The following GABPB1 variants were observed in gnomAD, a reference collection of about 807,000 sequenced individuals.
GABPB1 encodes the protein GA binding protein transcription factor subunit beta 1, also known as GA-binding protein subunit beta-1.
Under a neutral mutation model 45.9 loss-of-function variants are expected in GABPB1, and 15 were observed. The ratio of observed to expected loss-of-function variants is 0.33; its 90% CI spans 0.22 to 0.50. GABPB1 has a LOEUF of 0.50. Among genes scored for constraint, GABPB1 ranks in the 20% least tolerant of loss-of-function variants. The probability of loss-of-function intolerance (pLI) is 0.98; values close to 1 mark genes in which losing one functional copy is unlikely to be tolerated. For synonymous variants in GABPB1, 143 were observed against 154.4 expected, an observed-to-expected ratio of 0.93 and a Z score of 0.55; for missense variants, 252 against 457.5, an observed-to-expected ratio of 0.55 and a Z score of 4.10.
At chr15:50,353,741 G>A (rs556361505) in intron 1 of GABPB1, 4 of 152,172 alleles carry the variant, frequency 2.6e-5, no homozygotes, top group African/African-American at 9.7e-5. Flanking sequence ...CTATCTACAG[G>A]AAAGAATGAC....
In GABPB1 at chr15:50,276,429, ATTATG is replaced by A. The variant is rs2140952852; in HGVS notation, c.*2198_*2202del. Reference sequence around the variant, plus strand: ...TAAATCAGATGTAAATGATTGAGAAATTATGTTATGTAACAATGACTCTGAAAAAG... The same window carrying A: ...TAAATCAGATGTAAATGATTGAGAAATTATGTAACAATGACTCTGAAAAAG... On this transcript the variant is annotated 3_prime_UTR_variant, in exon 9 of 9. Coordinates refer to ENST00000380877, the MANE Select transcript of GABPB1 (RefSeq NM_016654.5). 1 of 152,370 alleles carries A rather than the reference ATTATG, an allele frequency of 6.6e-6. No homozygotes were observed. Among genetic ancestry groups the A allele is most frequent in the East Asian group, 1.9e-4 (1 of 5,190 alleles). 9.4% of individuals were successfully genotyped at this position (152,370 alleles called of 1,614,324 possible). A position where few individuals can be genotyped will look rare whatever the true frequency, so the allele number is the denominator to read the frequency against.
chr15:50,317,510 T>C (rs551091463), intron 1 of GABPB1, among the ~76,000 whole-genome samples: 21 of 152,040 alleles, frequency 1.4e-4, no homozygotes, highest in Non-Finnish European at 2.6e-4. Context: ...GTTTTAATTT[T>C]TTTATAGCAA....
At chr15:50,354,786 C>A (rs1021731235) in intron 1 of GABPB1, 199 bp downstream of exon 1, 1 of 231,470 alleles carries the variant, frequency 4.3e-6, no homozygotes. Flanking sequence ...GCAGCGGCGG[C>A]GCGGGCGCCC....
At chr15:50,281,104 T>C (rs541352900) in intron 8 of GABPB1, among the ~76,000 whole-genome samples, 1 of 152,354 alleles carries the variant, frequency 6.6e-6, no homozygotes, top group Admixed American at 6.5e-5. Context: ...AAAAAACTCA[T>C]TTTCACAGCA....
rs183895370 is a variant in GABPB1 at position 50,317,102 on chromosome 15, A to C, written c.1-7304T>G. 4.5e-3 allele frequency among the ~76,000 whole-genome samples: 686 copies of C among 152,254 alleles called. 8 individuals are homozygous for C. Among genetic ancestry groups the C allele is most frequent in the African/African-American group, 0.016 (661 of 41,560 alleles). On this transcript the variant is annotated intron_variant, in intron 1 of 8. Coordinates refer to ENST00000380877, the MANE Select transcript of GABPB1 (RefSeq NM_016654.5). ...TGTATATATACCATGATCTTAATAGAAAAACACTTGGAGCCGAGTGTAGTG... is the reference window on the plus strand; with the variant it reads ...TGTATATATACCATGATCTTAATAGCAAAACACTTGGAGCCGAGTGTAGTG...
intron 1 of GABPB1, among the ~76,000 whole-genome samples, chr15:50,348,564 T>A (rs1249239322): frequency 6.6e-6 from 1 of 151,192 alleles, no homozygotes; most frequent in East Asian, 2.0e-4. Context: ...TTTTTTTTTT[T>A]AAACTTTGAA....
chr15:50,278,834 T>C (rs766679869), intron 8 of GABPB1, 50 bp from the exon 9 acceptor site: 9 of 1,446,514 alleles, frequency 6.2e-6, no homozygotes, highest in Middle Eastern at 2.1e-4. Flanking sequence ...AAATACATTA[T>C]TAATACATAT....
intron 1 of GABPB1, chr15:50,353,478 G>A (rs1041290116): frequency 2.0e-5 from 3 of 151,488 alleles, no homozygotes; most frequent in Non-Finnish European, 4.4e-5. Context: ...GTAGATCTGA[G>A]AATCTTCTAT....
intron 6 of GABPB1, among the ~76,000 whole-genome samples, chr15:50,291,675 T>A (rs1034780905): frequency 1.3e-5 from 2 of 151,128 alleles, no homozygotes; most frequent in Admixed American, 1.3e-4. Context: ...ATACCAGCAC[T>A]CCAGGAGGCC....
intron 1 of GABPB1, among the ~76,000 whole-genome samples, chr15:50,321,146 G>A (rs2047556253): frequency 6.6e-6 from 1 of 152,156 alleles, no homozygotes; most frequent in African/African-American, 2.4e-5. Context: ...AAATAGTGCT[G>A]CAATACACAC....
intron 1 of GABPB1, among the ~76,000 whole-genome samples, chr15:50,333,848 G>A (rs1422321874): frequency 2.0e-5 from 3 of 152,004 alleles, no homozygotes; most frequent in African/African-American, 7.2e-5. Flanking sequence ...GGCCAACATA[G>A]TAAAACCCCA....
chr15:50,333,324 G>A (rs902885340), intron 1 of GABPB1, among the ~76,000 whole-genome samples: 8 of 152,134 alleles, frequency 5.3e-5, no homozygotes, highest in African/African-American at 9.7e-5. Context: ...TAGACAGGTC[G>A]AGGTTGTGTG....
At chr15:50,280,496 A>T (rs550100371) in intron 8 of GABPB1, among the ~76,000 whole-genome samples, 1 of 152,286 alleles carries the variant, frequency 6.6e-6, no homozygotes, top group East Asian at 1.9e-4. Flanking sequence ...TCACACCTTA[A>T]TGCCAGCACT....
At chr15:50,327,208 T>C (rs2047800549) in intron 1 of GABPB1, 1 of 152,214 alleles carries the variant, frequency 6.6e-6, no homozygotes, top group Non-Finnish European at 1.5e-5. Context: ...TCCTACAAAA[T>C]GAAGCCAATA....
intron 1 of GABPB1, among the ~76,000 whole-genome samples, chr15:50,337,073 G>GTGTA (rs2048162165): frequency 1.0e-4 from 1 of 9,616 alleles, no homozygotes; most frequent in East Asian, 1.1e-3. Context: ...GTATATGTGT[G>GTGTA]TGTATATATA....
At chr15:50,340,703 T>C (rs890097715) in intron 1 of GABPB1, among the ~76,000 whole-genome samples, 95 of 152,120 alleles carry the variant, frequency 6.2e-4, no homozygotes, top group African/African-American at 2.1e-3. Flanking sequence ...TGTTTTAATA[T>C]GCATTTCTCA....
intron 1 of GABPB1, chr15:50,314,720 A>T (rs1595787125): frequency 6.6e-6 from 1 of 152,274 alleles, no homozygotes; most frequent in African/African-American, 2.4e-5. Context: ...CAAAGATTCC[A>T]TTGAAAATAT....
At chr15:50,349,764 C>G (rs760459996) in intron 1 of GABPB1, 1 of 152,208 alleles carries the variant, frequency 6.6e-6, no homozygotes, top group African/African-American at 2.4e-5. Flanking sequence ...CCAAATTTCT[C>G]AGCTTATGCT....
Position 50,304,142 on chromosome 15 carries a change from C to CA in GABPB1, c.109-10dup, listed in dbSNP as rs761089931. 29 of 1,506,968 alleles carry CA rather than the reference C, an allele frequency of 1.9e-5. No homozygotes were observed. The highest frequency in any genetic ancestry group is 9.3e-5 in the South Asian group (7 of 75,000). The allele number at this position is 1,506,968 out of a possible 1,614,324, so 93.3% of individuals were successfully genotyped here. On this transcript the variant is annotated splice_polypyrimidine_tract_variant and intron_variant, in intron 2 of 8. Coordinates refer to ENST00000380877, the MANE Select transcript of GABPB1 (RefSeq NM_016654.5). ...AGTGGAGAAGTTCCCAGCTGTACCA[C>CA]AGAAAAAAAAAAAAATCCACATTTA...
Sources: allele counts gnomAD v4.1 joint callset (sites outside exome capture counted in the v4.1 genomes callset), GRCh38; gene constraint gnomAD v4.1.1; transcripts MANE v1.5; gene names NCBI Gene and HGNC (gene_info 2026-07-23, HGNC 2026-07-21).